SEMA6D: variants seen among roughly 807,000 people sequenced by gnomAD.
The protein encoded by SEMA6D is semaphorin 6D.
A neutral mutation model predicts 106.6 loss-of-function variants in SEMA6D; 35 were observed. The observed-to-expected ratio is 0.33, with a 90% CI of 0.25 to 0.44. The LOEUF is 0.44. Among genes scored for constraint, SEMA6D ranks in the 20% least tolerant of loss-of-function variants. The pLI, the probability that SEMA6D is intolerant of heterozygous loss-of-function variation, is 1.00. For synonymous variants in SEMA6D, 499 were observed against 487.7 expected, an observed-to-expected ratio of 1.02 and a Z score of -0.31; for missense variants, 1,185 against 1,345.9, an observed-to-expected ratio of 0.88 and a Z score of 1.87.
chr15:47,188,950 A>G (rs2140922236), intron 1 of SEMA6D, among the ~76,000 whole-genome samples: 1 of 152,276 alleles, frequency 6.6e-6, no homozygotes, highest in African/African-American at 2.4e-5. Flanking sequence ...TTGCACCAAA[A>G]TGAAAGCCCA....
intron 1 of SEMA6D, among the ~76,000 whole-genome samples, chr15:47,343,322 T>C (rs2037902996): frequency 6.6e-6 from 1 of 151,520 alleles, no homozygotes. Context: ...TTGTTACATA[T>C]GTATATATGT....
chr15:47,621,901 A>G (rs777652332), intron 4 of SEMA6D, among the ~76,000 whole-genome samples: 23 of 152,196 alleles, frequency 1.5e-4, no homozygotes, highest in Admixed American at 5.2e-4. Context: ...TATGAAAGCT[A>G]TTATTGGCCT....
chr15:47,757,344 T>C (rs1483158105), intron 1 of SEMA6D, among the ~76,000 whole-genome samples: 1 of 152,226 alleles, frequency 6.6e-6, no homozygotes, highest in Non-Finnish European at 1.5e-5. Flanking sequence ...GATTCGGTGA[T>C]TTTCTATCTA....
intron 1 of SEMA6D, among the ~76,000 whole-genome samples, chr15:47,721,873 A>C (rs1312167254): frequency 6.6e-6 from 1 of 152,042 alleles, no homozygotes; most frequent in Admixed American, 6.5e-5. Context: ...CAGTATGTAG[A>C]TCATCCATCA....
intron 1 of SEMA6D, among the ~76,000 whole-genome samples, chr15:47,247,240 G>A (rs934110798): frequency 2.3e-4 from 35 of 152,128 alleles, no homozygotes; most frequent in Non-Finnish European, 1.0e-4. Context: ...AAAGGGAGAC[G>A]AGAAAGTTCT....
intron 4 of SEMA6D, among the ~76,000 whole-genome samples, chr15:47,705,651 G>T (rs2078898967): frequency 6.6e-6 from 1 of 152,018 alleles, no homozygotes; most frequent in African/African-American, 2.4e-5. Flanking sequence ...AATCACAACA[G>T]GCCTTTCCAA....
intron 3 of SEMA6D, among the ~76,000 whole-genome samples, chr15:47,516,363 C>G (rs2044387162): frequency 6.6e-6 from 1 of 152,134 alleles, no homozygotes; most frequent in South Asian, 2.1e-4. Context: ...TGAATTCTGT[C>G]TATTTGCTCC....
chr15:47,608,126 C>G (rs1032438556), intron 4 of SEMA6D, among the ~76,000 whole-genome samples: 1 of 152,150 alleles, frequency 6.6e-6, no homozygotes, highest in Non-Finnish European at 1.5e-5. Context: ...TGGAATGGTT[C>G]ATTTGTGTGC....
chr15:47,535,083 A>C (rs77892636), intron 3 of SEMA6D, among the ~76,000 whole-genome samples: 2 of 149,614 alleles, frequency 1.3e-5, no homozygotes, highest in South Asian at 2.1e-4. Flanking sequence ...AAAAAAAAAA[A>C]CACAAAAACA....
intron 1 of SEMA6D, among the ~76,000 whole-genome samples, chr15:47,317,264 T>C (rs2036720437): frequency 6.6e-6 from 1 of 152,122 alleles, no homozygotes; most frequent in African/African-American, 2.4e-5. Flanking sequence ...CCCTCTTTCA[T>C]TTTTGATATA....
chr15:47,426,545 A>G (rs2041345942), intron 2 of SEMA6D, among the ~76,000 whole-genome samples: 1 of 152,130 alleles, frequency 6.6e-6, no homozygotes, highest in African/African-American at 2.4e-5. Flanking sequence ...AACCATTGCT[A>G]GTAAAATCTT....
chr15:47,269,629 G>T (rs28506780), intron 1 of SEMA6D, among the ~76,000 whole-genome samples: 4 of 151,620 alleles, frequency 2.6e-5, no homozygotes, highest in African/African-American at 9.7e-5. Context: ...AGTTTTTCTG[G>T]GGTTAGCAGG....
chr15:47,522,699 T>G (rs902540210), intron 3 of SEMA6D, among the ~76,000 whole-genome samples: 2 of 152,202 alleles, frequency 1.3e-5, no homozygotes, highest in Non-Finnish European at 2.9e-5. Flanking sequence ...CTTTGTGGCC[T>G]TTGTGTGGTC....
At chr15:47,205,577 A>G (rs1325919506) in intron 1 of SEMA6D, among the ~76,000 whole-genome samples, 1 of 152,172 alleles carries the variant, frequency 6.6e-6, no homozygotes, top group Non-Finnish European at 1.5e-5. Flanking sequence ...AAAAATGATT[A>G]CTATCAAATA....
At chr15:47,429,903 A>T (rs2041467221) in intron 2 of SEMA6D, among the ~76,000 whole-genome samples, 1 of 152,120 alleles carries the variant, frequency 6.6e-6, no homozygotes, top group Non-Finnish European at 1.5e-5. Context: ...ACCTGTGAAA[A>T]GTTTCTCTTA....
At chr15:47,221,061 C>T (rs945781547) in intron 1 of SEMA6D, among the ~76,000 whole-genome samples, 2 of 152,126 alleles carry the variant, frequency 1.3e-5, no homozygotes, top group Non-Finnish European at 2.9e-5. Context: ...ATCTGCTTTC[C>T]ACCCTCTGTG....
intron 3 of SEMA6D, among the ~76,000 whole-genome samples, chr15:47,528,644 G>A (rs2044842829): frequency 1.3e-5 from 2 of 152,194 alleles, no homozygotes; most frequent in South Asian, 4.1e-4. Flanking sequence ...ATAGATAAAA[G>A]GAAAGGCCCT....
chr15:47,249,245 CAAAT>C (rs946026965), intron 1 of SEMA6D, among the ~76,000 whole-genome samples: 8 of 151,916 alleles, frequency 5.3e-5, no homozygotes, highest in South Asian at 2.1e-4. Context: ...AACAAACAAA[CAAAT>C]AAACAAACAA....
At chr15:47,679,397 T>C (rs1176801680) in intron 4 of SEMA6D, among the ~76,000 whole-genome samples, 1 of 152,188 alleles carries the variant, frequency 6.6e-6, no homozygotes, top group Non-Finnish European at 1.5e-5. Context: ...TCCATACATA[T>C]TTTCTGGCTG....
Sources: allele counts gnomAD v4.1 joint callset (sites outside exome capture counted in the v4.1 genomes callset), GRCh38; gene constraint gnomAD v4.1.1; transcripts MANE v1.5; gene names NCBI Gene and HGNC (gene_info 2026-07-23, HGNC 2026-07-21).